The following COPS4 variants were observed in gnomAD, a reference collection of about 807,000 sequenced individuals.
The protein encoded by COPS4 is COP9 signalosome subunit 4, also known as COP9 signalosome complex subunit 4.
Under a neutral mutation model 55.1 loss-of-function variants are expected in COPS4, and 8 were observed. That is an observed-to-expected ratio of 0.15 (90% CI 0.09 to 0.26). COPS4 has a LOEUF of 0.26. Among genes scored for constraint, COPS4 ranks in the 10% least tolerant of loss-of-function variants. COPS4 has a pLI of 1.00. For missense variants in COPS4, 248 were observed against 484.0 expected (o/e 0.51, Z 4.58); for synonymous variants, 185 against 165.7 (o/e 1.12, Z -0.90).
At chr4:83,055,063 TC>T (rs33936587) in intron 4 of COPS4, among the ~76,000 whole-genome samples, 31 of 248 alleles carry the variant, frequency 0.12, no homozygotes, top group East Asian at 0.47. Context: ...CCTCCCATTC[TC>T]CTTTGCCCCC....
chr4:83,061,440 C>T (rs968915785), intron 6 of COPS4, among the ~76,000 whole-genome samples: 3 of 152,080 alleles, frequency 2.0e-5, no homozygotes, highest in Admixed American at 1.3e-4. Context: ...ATAGTGTATT[C>T]ATTCTTGTCT....
rs148510264 is a variant in COPS4 at position 83,064,024 on chromosome 4, C to G, written c.886+778C>G. On this transcript the variant is annotated intron_variant, in intron 7 of 9. Transcript: ENST00000264389. ...AATACAATCCTTTTAACTGGGTATA[C>G]TGCTGTACTACTTAAAAAATATATA... 1.2e-3 allele frequency among the ~76,000 whole-genome samples: 178 copies of G among 152,250 alleles called. 2 individuals are homozygous for G. In the East Asian group the frequency reaches 0.03, roughly 26 times the overall value.
chr4:83,038,452 AC>A lies in COPS4; in HGVS notation c.74+3156del, dbSNP rs201031641. ...CCCTTAACTCTAAACAAACACATCT[AC>A]CTTTTTGGCCTTATTTTCACAAAAA... On this transcript the variant is annotated intron_variant, in intron 1 of 9. Transcript: ENST00000264389. Among the ~76,000 whole-genome samples the A allele has an allele frequency of 1.4e-4, 22 of 151,942 alleles. No homozygotes were observed. The East Asian group carries it at 3.5e-3, about 24-fold the overall frequency.
At chr4:83,054,230 T>C (rs565417145) in intron 4 of COPS4, among the ~76,000 whole-genome samples, 1 of 152,064 alleles carries the variant, frequency 6.6e-6, no homozygotes, top group East Asian at 1.9e-4. Flanking sequence ...TAGTCCCAGC[T>C]ACTTGGGAGG....
intron 1 of COPS4, among the ~76,000 whole-genome samples, chr4:83,042,189 A>G (rs1363745746): frequency 6.6e-6 from 1 of 151,994 alleles, no homozygotes; most frequent in East Asian, 1.9e-4. Flanking sequence ...CACTTGACAT[A>G]TTAACTTTTT....
intron 6 of COPS4, 69 bp from the exon 7 acceptor site, chr4:83,063,007 G>GTT (rs1328336252): frequency 1.5e-6 from 2 of 1,321,732 alleles, no homozygotes; most frequent in Non-Finnish European, 2.1e-6. Context: ...CATAAGATAG[G>GTT]TTTTTTTTTC....
intron 9 of COPS4, among the ~76,000 whole-genome samples, chr4:83,074,696 C>T (rs898737795): frequency 4.0e-5 from 6 of 151,024 alleles, no homozygotes; most frequent in South Asian, 4.2e-4. Flanking sequence ...AGTAGAGACA[C>T]GGTTTTGCCA....
chr4:83,040,527 A>G (rs547870199), intron 1 of COPS4, among the ~76,000 whole-genome samples: 9 of 152,248 alleles, frequency 5.9e-5, no homozygotes, highest in East Asian at 3.9e-4. Context: ...GTGCAGCTCT[A>G]TTAGTCTGCC....
intron 4 of COPS4, 41 bp from the exon 5 acceptor site, chr4:83,056,885 C>G (rs1287856833): frequency 6.7e-7 from 1 of 1,496,608 alleles, no homozygotes; most frequent in Admixed American, 2.1e-5. Flanking sequence ...ATTTTCTTGA[C>G]AAAATGTTGA....
chr4:83,071,990 G>A (rs935484377), intron 9 of COPS4, among the ~76,000 whole-genome samples: 11 of 151,812 alleles, frequency 7.2e-5, no homozygotes, highest in South Asian at 6.3e-4. Context: ...GATTACAGAC[G>A]TGAGCTACCG....
At chr4:83,057,462 T>G (rs1386125470) in intron 6 of COPS4, 54 bp downstream of exon 6, 6 of 1,440,932 alleles carry the variant, frequency 4.2e-6, no homozygotes, top group Non-Finnish European at 5.6e-6. Context: ...CTTAATAACT[T>G]TAGGTTGGTT....
At chr4:83,055,447 C>CT (rs5859854) in intron 4 of COPS4, among the ~76,000 whole-genome samples, 6 of 134,872 alleles carry the variant, frequency 4.4e-5, no homozygotes, top group African/African-American at 1.4e-4. Flanking sequence ...AGTATTCTAC[C>CT]TTTTTTTTTT....
chr4:83,063,358 A>G (rs1731213685), intron 7 of COPS4, 112 bp downstream of exon 7: 4 of 690,620 alleles, frequency 5.8e-6, no homozygotes, highest in East Asian at 3.5e-5. Context: ...ACACTTCCTC[A>G]TAAAAAAAGA....
chr4:83,073,118 A>G (rs940319862), intron 9 of COPS4: 1 of 518,596 alleles, frequency 1.9e-6, no homozygotes, highest in Non-Finnish European at 3.5e-6. Flanking sequence ...TACAACCTCT[A>G]TCTCTGTCTA....
intron 2 of COPS4, 47 bp downstream of exon 2, chr4:83,045,752 G>C: frequency 7.9e-7 from 1 of 1,263,744 alleles, no homozygotes; most frequent in Non-Finnish European, 1.1e-6. Flanking sequence ...ACTGAGCTAG[G>C]ACTTTAAAGT....
intron 9 of COPS4, chr4:83,073,209 C>A: frequency 1.5e-6 from 1 of 668,568 alleles, no homozygotes. Context: ...CCCCCAGCTT[C>A]TGGCAACCAC....
At chr4:83,038,229 A>G (rs749166066) in intron 1 of COPS4, among the ~76,000 whole-genome samples, 3 of 152,264 alleles carry the variant, frequency 2.0e-5, no homozygotes, top group Non-Finnish European at 2.9e-5. Context: ...GTGAAAGTCA[A>G]TAACATCTAG....
At chr4:83,046,361 G>A (rs1334018185) in intron 2 of COPS4, among the ~76,000 whole-genome samples, 4 of 152,182 alleles carry the variant, frequency 2.6e-5, no homozygotes, top group Non-Finnish European at 5.9e-5. Context: ...CAGCCACTGT[G>A]AAAAGCAGTT....
chr4:83,060,750 T>C (rs1731144973), intron 6 of COPS4, among the ~76,000 whole-genome samples: 1 of 151,442 alleles, frequency 6.6e-6, no homozygotes, highest in Non-Finnish European at 1.5e-5. Context: ...AATCCTTGCT[T>C]GAGGCCAGGC....
Sources: allele counts gnomAD v4.1 joint callset (sites outside exome capture counted in the v4.1 genomes callset), GRCh38; gene constraint gnomAD v4.1.1; transcripts MANE v1.5; gene names NCBI Gene and HGNC (gene_info 2026-07-23, HGNC 2026-07-21).